Variants in ASTN1 observed in about 807,000 individuals in gnomAD.
The protein encoded by ASTN1 is astrotactin-1.
A neutral mutation model predicts 140.7 loss-of-function variants in ASTN1; 41 were observed. The observed-to-expected ratio is 0.29, with a 90% CI of 0.23 to 0.38. ASTN1 has a LOEUF of 0.38. ASTN1 is among the 10% of genes least tolerant of loss of function. ASTN1 has a pLI of 1.00. For synonymous variants in ASTN1, 640 were observed against 652.2 expected (o/e 0.98, Z 0.29); for missense variants, 1,479 against 1,678.8 (o/e 0.88, Z 2.08).
intron 20 of ASTN1, among the ~76,000 whole-genome samples, chr1:176,877,024 C>G (rs568475868): frequency 2.0e-5 from 3 of 152,268 alleles, no homozygotes; most frequent in South Asian, 4.1e-4. Flanking sequence ...TCTGTGCTTT[C>G]CCGGGTGTTC....
intron 8 of ASTN1, among the ~76,000 whole-genome samples, chr1:177,003,711 C>A (rs1365040560): frequency 6.6e-6 from 1 of 151,872 alleles, no homozygotes; most frequent in Non-Finnish European, 1.5e-5. Context: ...ACTCGGGAGG[C>A]TGAGGCAGGA....
chr1:177,002,798 T>C (rs1338699751), intron 8 of ASTN1, among the ~76,000 whole-genome samples: 1 of 152,078 alleles, frequency 6.6e-6, no homozygotes, highest in Admixed American at 6.6e-5. Flanking sequence ...GTAGGTGAAA[T>C]AAATATAATT....
At chr1:176,961,719 T>C (rs1215373953) in intron 9 of ASTN1, among the ~76,000 whole-genome samples, 4 of 152,170 alleles carry the variant, frequency 2.6e-5, no homozygotes, top group African/African-American at 9.7e-5. Context: ...AAAAACCAAA[T>C]ATAGAACAAA....
chr1:176,887,521 A>T (rs1669077831), intron 18 of ASTN1, among the ~76,000 whole-genome samples: 1 of 152,210 alleles, frequency 6.6e-6, no homozygotes, highest in Non-Finnish European at 1.5e-5. Context: ...ATGGCCAAGA[A>T]CATGCCTCTT....
At chr1:177,061,561 A>G (rs959480884) in intron 1 of ASTN1, among the ~76,000 whole-genome samples, 6 of 152,160 alleles carry the variant, frequency 3.9e-5, no homozygotes, top group African/African-American at 1.4e-4. Context: ...TATTTCTATG[A>G]TCTTTTACAC....
chr1:176,862,251 GTT>G lies in ASTN1; in HGVS notation c.*2031_*2032del, dbSNP rs1667994004. Reference sequence around the variant, plus strand: ...ATCTCTGAGGCAGGTGCATTAGAGAGTTTGAAATAAATCCTTCAGTGTTTGGA... The same window carrying G: ...ATCTCTGAGGCAGGTGCATTAGAGAGTGAAATAAATCCTTCAGTGTTTGGA... On this transcript the variant is annotated 3_prime_UTR_variant, in exon 23 of 23. Coordinates refer to ENST00000361833, the MANE Select transcript of ASTN1 (RefSeq NM_004319.3). The G allele has an allele frequency of 1.0e-6, 1 of 985,444 alleles. No homozygotes were observed. Among genetic ancestry groups the G allele is most frequent in the African/African-American group, 1.7e-5 (1 of 57,368 alleles). 61.0% of individuals were successfully genotyped at this position (985,444 alleles called of 1,614,324 possible). A position where few individuals can be genotyped will look rare whatever the true frequency, so the allele number is the denominator to read the frequency against.
At chr1:176,996,084 C>A (rs1674424472) in intron 8 of ASTN1, among the ~76,000 whole-genome samples, 1 of 152,096 alleles carries the variant, frequency 6.6e-6, no homozygotes, top group African/African-American at 2.4e-5. Flanking sequence ...GTGCTGGCAT[C>A]AAAAACCTAG....
intron 14 of ASTN1, among the ~76,000 whole-genome samples, chr1:176,943,383 G>C (rs1671821501): frequency 6.6e-6 from 1 of 152,172 alleles, no homozygotes; most frequent in Non-Finnish European, 1.5e-5. Flanking sequence ...GGGGGACCAT[G>C]AGGCCACATG....
At chr1:176,912,396 A>G (rs1670285470) in intron 16 of ASTN1, among the ~76,000 whole-genome samples, 1 of 152,218 alleles carries the variant, frequency 6.6e-6, no homozygotes, top group Non-Finnish European at 1.5e-5. Flanking sequence ...CATGGCACAT[A>G]ATATTGTTTT....
intron 16 of ASTN1, among the ~76,000 whole-genome samples, chr1:176,905,200 C>T (rs1218246144): frequency 6.6e-6 from 1 of 152,142 alleles, no homozygotes; most frequent in Admixed American, 6.5e-5. Context: ...ATTACTTGCC[C>T]CAGCTCCACA....
chr1:177,159,646 A>G (rs113864963), intron 1 of ASTN1, among the ~76,000 whole-genome samples: 5 of 152,238 alleles, frequency 3.3e-5, no homozygotes, highest in Non-Finnish European at 5.9e-5. Flanking sequence ...AAGACCACCC[A>G]ATACAAAGAT....
At chr1:176,937,326 A>C (rs1470220373) in intron 14 of ASTN1, among the ~76,000 whole-genome samples, 1 of 152,240 alleles carries the variant, frequency 6.6e-6, no homozygotes, top group Non-Finnish European at 1.5e-5. Flanking sequence ...AGGGGCAGGA[A>C]CAGCCAAATA....
At chr1:176,914,311 G>T (rs973471232) in intron 16 of ASTN1, among the ~76,000 whole-genome samples, 3 of 152,160 alleles carry the variant, frequency 2.0e-5, no homozygotes, top group Non-Finnish European at 4.4e-5. Context: ...CATGAGTGAG[G>T]CCCAGGGGAG....
chr1:177,162,933 T>C (rs754042263), intron 1 of ASTN1, among the ~76,000 whole-genome samples: 1 of 152,202 alleles, frequency 6.6e-6, no homozygotes, highest in East Asian at 1.9e-4. Flanking sequence ...ATCAAGAGCA[T>C]AGGTTGGGTT....
chr1:177,115,246 C>A (rs1571805225), intron 1 of ASTN1, among the ~76,000 whole-genome samples: 1 of 152,084 alleles, frequency 6.6e-6, no homozygotes, highest in East Asian at 1.9e-4. Flanking sequence ...TCACAGGGCC[C>A]AGGGGTTATA....
chr1:177,120,591 T>C (rs10157625), intron 1 of ASTN1, among the ~76,000 whole-genome samples: 148 of 152,316 alleles, frequency 9.7e-4, no homozygotes, highest in Middle Eastern at 3.4e-3. Flanking sequence ...GCCGATTCTT[T>C]TGATGCAATA....
At chr1:177,108,637 T>A (rs1680667717) in intron 1 of ASTN1, among the ~76,000 whole-genome samples, 1 of 152,188 alleles carries the variant, frequency 6.6e-6, no homozygotes. Context: ...GGCAGGTGGG[T>A]TGCTTCCACC....
intron 14 of ASTN1, among the ~76,000 whole-genome samples, chr1:176,942,810 T>G (rs1671776088): frequency 2.8e-5 from 2 of 70,296 alleles, no homozygotes; most frequent in African/African-American, 5.2e-5. Flanking sequence ...CCAATGTACT[T>G]TGTGTGTGTG....
chr1:177,076,524 CTT>C (rs879523656), intron 1 of ASTN1, among the ~76,000 whole-genome samples: 8 of 137,788 alleles, frequency 5.8e-5, no homozygotes, highest in Admixed American at 7.3e-5. Context: ...CTTTTCTTTT[CTT>C]TTTTTTTTTT....
Sources: allele counts gnomAD v4.1 joint callset (sites outside exome capture counted in the v4.1 genomes callset), GRCh38; gene constraint gnomAD v4.1.1; transcripts MANE v1.5; gene names NCBI Gene and HGNC (gene_info 2026-07-23, HGNC 2026-07-21).